Variants in FSIP2 observed in about 807,000 individuals in gnomAD.
FSIP2 encodes fibrous sheath-interacting protein 2.
In FSIP2, 367 loss-of-function variants were observed where a neutral mutation model predicts 510.5. The observed-to-expected ratio is 0.72, with a 90% CI of 0.66 to 0.78. The LOEUF is 0.78. Ranked by LOEUF, FSIP2 falls within the 30% of genes least tolerant of loss-of-function variation. The pLI is 0.00. For missense variants in FSIP2, 7,594 were observed against 7,901.7 expected, an observed-to-expected ratio of 0.96 and a Z score of 1.48; for synonymous variants, 2,601 against 2,732.2, an observed-to-expected ratio of 0.95 and a Z score of 1.50.
rs1692890880 is a variant in FSIP2 at position 185,783,102 on chromosome 2, A to G, written c.1469+340A>G. Among the ~76,000 whole-genome samples the G allele has an allele frequency of 2.6e-5, 4 of 152,008 alleles. No homozygotes were observed. In the South Asian group the frequency reaches 8.3e-4, roughly 31 times the overall value. On this transcript the variant is annotated intron_variant, in intron 14 of 22. Coordinates refer to ENST00000424728, the MANE Select transcript of FSIP2 (RefSeq NM_173651.4). Reference sequence around the variant, plus strand: ...TTCTTTGAAACAGCTACCATTTCTTATGTTTTTTGAGATTATTGGCTGTCT... The same window carrying G: ...TTCTTTGAAACAGCTACCATTTCTTGTGTTTTTTGAGATTATTGGCTGTCT...
chr2:185,814,008 C>A lies in FSIP2; in HGVS notation c.20291C>A (p.Ala6764Asp), dbSNP rs1693787664. ...ACACCAAAGACGATGCCTGAAACAG[C>A]CTCTTCATCTTGGGAGGAAAAGCCC... ...MATPKTMPET[A>D]SSSWEEKPQC... Residue 6764 changes from alanine to aspartate, a missense_variant, in exon 18 of 23, where the codon GCC (alanine) becomes GAC (aspartate). Coordinates refer to ENST00000424728, the MANE Select transcript of FSIP2 (RefSeq NM_173651.4). 1 of 1,612,794 alleles carries A rather than the reference C, an allele frequency of 6.2e-7. No individual in the cohort carries two copies. The highest frequency in any genetic ancestry group is 1.1e-5 in the South Asian group (1 of 91,010).
intron 13 of FSIP2, among the ~76,000 whole-genome samples, chr2:185,770,558 A>C (rs1692587505): frequency 6.6e-6 from 1 of 152,174 alleles, no homozygotes; most frequent in Non-Finnish European, 1.5e-5. Flanking sequence ...GTGGGCACAA[A>C]GTCATTTATG....
chr2:185,768,663 T>C lies in FSIP2; in HGVS notation c.1411+4098T>C, dbSNP rs141938237. ...TTTATTTTAGGCTGAGTCATACATG[T>C]GCGGGTTTGTTTTACAGATAAACTT... On this transcript the variant is annotated intron_variant, in intron 13 of 22. Coordinates refer to ENST00000424728, the MANE Select transcript of FSIP2 (RefSeq NM_173651.4). 5.2e-3 allele frequency among the ~76,000 whole-genome samples: 790 copies of C among 152,290 alleles called. 2 individuals carry two copies. Among genetic ancestry groups the C allele is most frequent in the Non-Finnish European group, 8.8e-3 (598 of 68,022 alleles).
Position 185,747,385 on chromosome 2 carries a change from GAAC to G in FSIP2, c.837_839del (p.Gln280del), listed in dbSNP as rs1196352343. ...TGTTAAAAGAGAAGAGAGGATAGAA[GAAC>G]AACAGCATAGAAACAGAGAAGAGAG... is the stretch of plus-strand genomic sequence containing the variant. On this transcript the variant is annotated inframe_deletion, in exon 7 of 23. Transcript: ENST00000424728. 2.6e-6 allele frequency: 4 copies of G among 1,530,996 alleles called. No individual in the cohort carries two copies. The highest frequency in any genetic ancestry group is 2.5e-5 in the East Asian group (1 of 40,754). The allele number at this position is 1,530,996 out of a possible 1,614,324, so 94.8% of individuals were successfully genotyped here. A position where few individuals can be genotyped will look rare whatever the true frequency, so the allele number is the denominator to read the frequency against.
At chr2:185,783,418 T>C (rs1692897338) in intron 14 of FSIP2, among the ~76,000 whole-genome samples, 1 of 152,166 alleles carries the variant, frequency 6.6e-6, no homozygotes, top group South Asian at 2.1e-4. Flanking sequence ...CCATCATCTT[T>C]TTTAAAAATG....
intron 19 of FSIP2, among the ~76,000 whole-genome samples, chr2:185,822,334 A>G (rs1693938311): frequency 6.6e-6 from 1 of 151,994 alleles, no homozygotes; most frequent in Admixed American, 6.6e-5. Context: ...CACCAAAAAA[A>G]TTGTTATAAC....
intron 13 of FSIP2, among the ~76,000 whole-genome samples, chr2:185,778,739 T>C (rs989524959): frequency 2.9e-4 from 44 of 152,114 alleles, no homozygotes; most frequent in African/African-American, 1.0e-3. Context: ...ATGTTCTAAA[T>C]ATGTCCATTC....
In FSIP2 at chr2:185,812,564, C is replaced by T. The variant is rs370726412; in HGVS notation, c.19828-981C>T. 1.1e-4 allele frequency among the ~76,000 whole-genome samples: 16 copies of T among 152,154 alleles called. No homozygotes were observed. The East Asian group carries it at 2.3e-3, about 22-fold the overall frequency. On this transcript the variant is annotated intron_variant, in intron 17 of 22. Coordinates refer to ENST00000424728, the MANE Select transcript of FSIP2 (RefSeq NM_173651.4). ...AGAGAAAGAAAGGTTAGGTTAGAAA[C>T]CCTACACTCTTGTTGGTTCTGCCTC...
chr2:185,812,193 A>AG (rs1693746728), intron 17 of FSIP2, among the ~76,000 whole-genome samples: 1 of 152,128 alleles, frequency 6.6e-6, no homozygotes, highest in Non-Finnish European at 1.5e-5. Flanking sequence ...CAAAAACCAC[A>AG]GGGGCAGGAC....
intron 14 of FSIP2, 81 bp downstream of exon 14, chr2:185,782,843 A>C: frequency 1.3e-6 from 1 of 763,690 alleles, no homozygotes; most frequent in Non-Finnish European, 2.2e-6. Context: ...AAATGATTCC[A>C]TGGAATCCTC....
intron 7 of FSIP2, among the ~76,000 whole-genome samples, chr2:185,751,461 CTGTGTGTGTGTGTG>C (rs56395901): frequency 1.5e-5 from 2 of 135,874 alleles, no homozygotes; most frequent in South Asian, 2.4e-4. Flanking sequence ...CTTTATTTTT[CTGTGTGTGTGTGTG>C]TGTGTGTGTG....
At chr2:185,750,509 T>C (rs1692122088) in intron 7 of FSIP2, among the ~76,000 whole-genome samples, 1 of 151,300 alleles carries the variant, frequency 6.6e-6, no homozygotes, top group Non-Finnish European at 1.5e-5. Context: ...TTTTTCCTTA[T>C]CAGTCCTGGC....
Position 185,791,756 on chromosome 2 carries a change from A to G in FSIP2, c.4620A>G (p.Ile1540Met). 6.5e-7 allele frequency: 1 copy of G among 1,534,622 alleles called. No homozygotes were observed. The highest frequency in any genetic ancestry group is 8.7e-7 in the Non-Finnish European group (1 of 1,145,694). The part of the protein sequence containing the change: ...MAKSTKIISS[I>M]VSRRVQEDNK... ...AATCCACCAAAATAATCTCCAGCAT[A>G]GTTTCCAGAAGGGTTCAGGAGGACA... Residue 1540 changes from isoleucine (I) to methionine (M), a missense_variant, in exon 16 of 23, where the codon ATA (isoleucine) becomes ATG (methionine). Coordinates refer to ENST00000424728, the MANE Select transcript of FSIP2 (RefSeq NM_173651.4).
rs375078988 is a variant in FSIP2 at position 185,806,455 on chromosome 2, G to A, written c.17149G>A (p.Val5717Ile). 11 of 1,611,526 alleles carry A rather than the reference G, an allele frequency of 6.8e-6. No individual in the cohort carries two copies. The highest frequency in any genetic ancestry group is 2.7e-5 in the African/African-American group (2 of 74,710). Residue 5717 changes from valine (V) to isoleucine (I), a missense_variant, in exon 17 of 23, where the codon GTA (valine) becomes ATA (isoleucine). Transcript: ENST00000424728. ...CCCCCCAGGTGATAATGTATTAAAT[G>A]TAATTCAAGAGATTAGCAGGGATTC... The part of the protein sequence containing the change: ...QSPPGDNVLN[V>I]IQEISRDSAQ...
chr2:185,773,132 G>A (rs1483265296), intron 13 of FSIP2, among the ~76,000 whole-genome samples: 1 of 152,148 alleles, frequency 6.6e-6, no homozygotes, highest in African/African-American at 2.4e-5. Context: ...AAAGTGCTGG[G>A]ATTACAAGCA....
In FSIP2 at chr2:185,804,093, G is replaced by T; in HGVS notation, c.14787G>T (p.Leu4929Phe). The T allele has an allele frequency of 6.5e-7, 1 of 1,527,568 alleles. No individual in the cohort carries two copies. The highest frequency in any genetic ancestry group is 1.2e-5 in the South Asian group (1 of 82,492). The allele number at this position is 1,527,568 out of a possible 1,614,324, so 94.6% of individuals were successfully genotyped here. A position where few individuals can be genotyped will look rare whatever the true frequency, so the allele number is the denominator to read the frequency against. Residue 4929 changes from leucine (L) to phenylalanine (F), a missense_variant, in exon 17 of 23, where the codon TTG (leucine) becomes TTT (phenylalanine). Physicochemically the swap from Leu to Phe is conservative, Grantham distance 22 (BLOSUM62 0). Transcript: ENST00000424728. ...CAGCAGTTGATCAAACTTATAAATT[G>T]AAAGCAATAGATCCTAAACAAAGAG... is the stretch of plus-strand genomic sequence containing the variant. ...LLAAVDQTYK[L>F]KAIDPKQREL...
intron 19 of FSIP2, among the ~76,000 whole-genome samples, chr2:185,822,721 A>G (rs970959854): frequency 5.9e-5 from 9 of 151,892 alleles, no homozygotes; most frequent in African/African-American, 2.2e-4. Flanking sequence ...CCTAAAGTTC[A>G]TTAGTTTCTC....
chr2:185,792,610 T>A lies in FSIP2; in HGVS notation c.5474T>A (p.Phe1825Tyr). The change falls in exon 16 of 23, where the codon TTT (phenylalanine) becomes TAT (tyrosine). Residue 1825 changes from phenylalanine (F) to tyrosine (Y), a missense_variant. Coordinates refer to ENST00000424728, the MANE Select transcript of FSIP2 (RefSeq NM_173651.4). Reference protein sequence around the residue: ...DEPTPQTSVQFMDKMMDPLLS... With the variant: ...DEPTPQTSVQYMDKMMDPLLS... Reference sequence around the variant, plus strand: ...CCAACTCCCCAAACATCTGTTCAATTTATGGATAAAATGATGGATCCTTTA... The same window carrying A: ...CCAACTCCCCAAACATCTGTTCAATATATGGATAAAATGATGGATCCTTTA... 6.5e-7 allele frequency: 1 copy of A among 1,534,126 alleles called. No individual in the cohort carries two copies.
At position 185,805,450 on chromosome 2, in the gene FSIP2, G is replaced by T. The variant is rs1480778529; in HGVS notation, c.16144G>T (p.Ala5382Ser). ...DESNIAIGMIAALTQKAISAF... is the reference protein window; with the variant it reads ...DESNIAIGMISALTQKAISAF... The stretch of plus-strand genomic sequence containing the variant: ...AAGTAACATTGCTATAGGGATGATT[G>T]CTGCTCTAACCCAGAAGGCAATATC... Residue 5382 changes from alanine to serine, a missense_variant, in exon 17 of 23, where the codon GCT becomes TCT. Physicochemically the swap from Ala to Ser is moderately conservative, Grantham distance 99. Transcript: ENST00000424728. 5 of 1,610,844 alleles carry T rather than the reference G, an allele frequency of 3.1e-6. No homozygotes were observed. The African/African-American group carries it at 6.7e-5, about 22-fold the overall frequency.
Sources: allele counts gnomAD v4.1 joint callset (sites outside exome capture counted in the v4.1 genomes callset), GRCh38; gene constraint gnomAD v4.1.1; transcripts MANE v1.5; gene names NCBI Gene and HGNC (gene_info 2026-07-23, HGNC 2026-07-21).